Variants in RAB33A observed in about 807,000 individuals in gnomAD.
RAB33A encodes the protein RAB33A, member RAS oncogene family.
In RAB33A, 6 loss-of-function variants were observed where a neutral mutation model predicts 12.0. That is an observed-to-expected ratio of 0.50 (90% CI 0.27 to 0.99). The LOEUF (loss-of-function observed/expected upper bound fraction) is 0.99. Among genes scored for constraint, RAB33A ranks in the 50% least tolerant of loss-of-function variants. The pLI, the probability that RAB33A is intolerant of heterozygous loss-of-function variation, is 0.11. For missense variants in RAB33A, 109 were observed against 192.0 expected (o/e 0.57, Z 2.55); for synonymous variants, 70 against 82.4 (o/e 0.85, Z 0.81).
chrX:130,121,954 G>A, the RAB33A span, among the ~76,000 whole-genome samples: 1 of 112,159 alleles, frequency 8.9e-6, no homozygotes, highest in Non-Finnish European at 1.9e-5. Flanking sequence ...ATTTGGAACA[G>A]CTTCTGCCAC....
chrX:130,147,019 G>A, the RAB33A span, among the ~76,000 whole-genome samples: 2 of 111,179 alleles, frequency 1.8e-5, no homozygotes, highest in Non-Finnish European at 1.9e-5. Flanking sequence ...AAAATTAGCC[G>A]GGTGTGGTGG....
At chrX:130,135,992 G>C in the RAB33A span, 11 of 1,205,291 alleles carry the variant, frequency 9.1e-6, no homozygotes, top group Non-Finnish European at 1.1e-5. Flanking sequence ...GGGCAGACTT[G>C]TTCACAGGCT....
chrX:130,130,252 A>G, the RAB33A span: 2 of 1,039,079 alleles, frequency 1.9e-6, no homozygotes, highest in African/African-American at 3.7e-5. Flanking sequence ...AGAAGCCAAC[A>G]GTCTTTCGAG....
Position 130,184,711 on chromosome X carries a change from G to C in RAB33A, c.685G>C (p.Ala229Pro), listed in dbSNP as rs1309596952. ...KVQKLEFPQEANSKTSCPC is the reference protein window; with the variant it reads ...KVQKLEFPQEPNSKTSCPC Reference sequence around the variant, plus strand: ...GCAGAAACTGGAGTTCCCACAGGAAGCTAACAGTAAAACTTCCTGTCCTTG... The same window carrying C: ...GCAGAAACTGGAGTTCCCACAGGAACCTAACAGTAAAACTTCCTGTCCTTG... The change falls in exon 2 of 2, where the codon GCT becomes CCT. Residue 229 changes from alanine (A) to proline (P), a missense_variant. Transcript: ENST00000257017. The C allele has an allele frequency of 1.7e-6, 2 of 1,209,291 alleles. No homozygotes were observed. The highest frequency in any genetic ancestry group is 2.2e-6 in the Non-Finnish European group (2 of 894,455).
At chrX:130,122,179 G>A in the RAB33A span, among the ~76,000 whole-genome samples, 1 of 112,280 alleles carries the variant, frequency 8.9e-6, no homozygotes, top group African/African-American at 3.2e-5. Flanking sequence ...GGGATGAGAG[G>A]ATTGGATTGT....
At chrX:130,133,541 G>A in the RAB33A span, 1 of 1,089,652 alleles carries the variant, frequency 9.2e-7, no homozygotes. Context: ...GGGGCTCAAA[G>A]AACACTTGTA....
chrX:130,147,374 G>T, the RAB33A span: 3 of 901,363 alleles, frequency 3.3e-6, no homozygotes, highest in Non-Finnish European at 3.2e-6. Flanking sequence ...GACCACAGTA[G>T]ACTCTAGTGG....
At chrX:130,120,128 A>C in the RAB33A span, among the ~76,000 whole-genome samples, 1 of 112,476 alleles carries the variant, frequency 8.9e-6, no homozygotes, top group Non-Finnish European at 1.9e-5. Flanking sequence ...TCTAGAGCTC[A>C]GGGCCTGCAA....
At chrX:130,116,942 T>A in the RAB33A span, among the ~76,000 whole-genome samples, 5 of 112,153 alleles carry the variant, frequency 4.5e-5, no homozygotes, top group East Asian at 2.8e-4. Flanking sequence ...GGCCGGGTGC[T>A]GTGGCTCACG....
At chrX:130,167,733 ACT>A (rs966652416), upstream of RAB33A, among the ~76,000 whole-genome samples, 2 of 112,067 alleles carry the variant, frequency 1.8e-5, no homozygotes, top group African/African-American at 6.5e-5. Flanking sequence ...ATGGAGCAAG[ACT>A]CTGTCTCCAA....
chrX:130,146,704 G>A, the RAB33A span, among the ~76,000 whole-genome samples: 41 of 111,037 alleles, frequency 3.7e-4, 1 homozygote, highest in African/African-American at 1.3e-3. Context: ...AAAAGCTTCT[G>A]GACCTGTATC....
At chrX:130,142,596 T>C in the RAB33A span, among the ~76,000 whole-genome samples, 1 of 111,638 alleles carries the variant, frequency 9.0e-6, no homozygotes, top group Non-Finnish European at 1.9e-5. Context: ...CATTTAAATC[T>C]TTTGAAAGAG....
chrX:130,155,129 A>G, the RAB33A span: 1 of 1,209,882 alleles, frequency 8.3e-7, no homozygotes. Context: ...CCCTACCCCA[A>G]AATATGTTTT....
rs755160900 is a variant in RAB33A at position 130,172,046 on chromosome X, G to C, written c.-17G>C. Reference sequence around the variant, plus strand: ...AGCCCTCAAGGGGGGTTGGGGCCCCGGTTCGGTCCGGGGGAGATGGCGCAG... The same window carrying C: ...AGCCCTCAAGGGGGGTTGGGGCCCCCGTTCGGTCCGGGGGAGATGGCGCAG... On this transcript the variant is annotated 5_prime_UTR_variant, in exon 1 of 2. Coordinates refer to ENST00000257017, the MANE Select transcript of RAB33A (RefSeq NM_004794.3). The C allele has an allele frequency of 2.5e-6, 3 of 1,193,433 alleles. No homozygotes were observed. In the African/African-American group the frequency reaches 5.3e-5, roughly 21 times the overall value.
chrX:130,168,929 C>T (rs145357898), upstream of RAB33A, among the ~76,000 whole-genome samples: 1,205 of 110,652 alleles, frequency 0.011, 8 homozygotes, highest in African/African-American at 0.038. Flanking sequence ...AATTCCAGGC[C>T]GGGCACGGTG....
At chrX:130,148,242 TCA>T in the RAB33A span, among the ~76,000 whole-genome samples, 2 of 111,503 alleles carry the variant, frequency 1.8e-5, no homozygotes, top group African/African-American at 6.5e-5. Context: ...AATATCAGGC[TCA>T]GTTTCACCTT....
the RAB33A span, chrX:130,140,442 C>T: frequency 1.3e-6 from 1 of 781,880 alleles, no homozygotes; most frequent in African/African-American, 2.0e-5. Flanking sequence ...TTTCCATTTT[C>T]TTAAGTAGTA....
In RAB33A at chrX:130,173,842, T is replaced by G. The variant is rs770288795; in HGVS notation, c.258+1522T>G. ...TTCTAGAATTTCTAAAACATGACTTTGTAATCCAAAGTAGAAATATCTTTA... is the reference window on the plus strand; with the variant it reads ...TTCTAGAATTTCTAAAACATGACTTGGTAATCCAAAGTAGAAATATCTTTA... On this transcript the variant is annotated intron_variant, in intron 1 of 1. Transcript: ENST00000257017. 2.7e-5 allele frequency among the ~76,000 whole-genome samples: 3 copies of G among 112,250 alleles called. No homozygotes were observed. In the South Asian group the frequency reaches 1.1e-3, roughly 41 times the overall value.
At chrX:130,156,582 T>C in the RAB33A span, 1 of 1,211,803 alleles carries the variant, frequency 8.3e-7, no homozygotes, top group African/African-American at 1.7e-5. Context: ...TAGAGGAACA[T>C]GCCATCGCTG....
Sources: allele counts gnomAD v4.1 joint callset (sites outside exome capture counted in the v4.1 genomes callset), GRCh38; gene constraint gnomAD v4.1.1; transcripts MANE v1.5; gene names NCBI Gene and HGNC (gene_info 2026-07-23, HGNC 2026-07-21).